Variants in OSBPL8 observed in about 807,000 individuals in gnomAD.
OSBPL8 encodes oxysterol-binding protein-related protein 8.
In OSBPL8, 59 loss-of-function variants were observed where a neutral mutation model predicts 125.5. The observed-to-expected ratio is 0.47, with a 90% confidence interval of 0.38 to 0.58. The LOEUF is 0.58. Ranked by LOEUF, OSBPL8 falls within the 20% of genes least tolerant of loss-of-function variation. OSBPL8 has a pLI of 0.00. For missense variants in OSBPL8, 758 were observed against 1,047.8 expected (o/e 0.72, Z 3.82); for synonymous variants, 330 against 338.9 (o/e 0.97, Z 0.29).
chr12:76,410,679 G>A (rs774657615), intron 4 of OSBPL8, 45 bp from the exon 5 acceptor site: 20 of 1,271,754 alleles, frequency 1.6e-5, no homozygotes, highest in Non-Finnish European at 2.2e-5. Context: ...TTTTGAACAT[G>A]TATAATAAGT....
rs56122052 is a variant in OSBPL8, at chr12:76,532,036, CAAAAAAAAA to C, written c.-68+27352_-68+27360del. 4.4e-5 allele frequency among the ~76,000 whole-genome samples: 4 copies of C among 90,022 alleles called. No individual in the cohort carries two copies. In the East Asian group the frequency reaches 1.6e-3, roughly 37 times the overall value. The allele number at this position is 90,022 out of a possible 152,430, so 59.1% of individuals were successfully genotyped here. On this transcript the variant is annotated intron_variant, in intron 1 of 23. Coordinates refer to ENST00000261183, the MANE Select transcript of OSBPL8 (RefSeq NM_020841.5). ...TGGGCAAGAGAGCAAGACTCCTTCT[CAAAAAAAAA>C]AAAAAAAAAAAACTGACCAAAAAAT... is the stretch of plus-strand genomic sequence containing the variant.
intron 1 of OSBPL8, among the ~76,000 whole-genome samples, chr12:76,514,622 ATG>A (rs971976830): frequency 6.6e-6 from 1 of 152,220 alleles, no homozygotes; most frequent in African/African-American, 2.4e-5. Context: ...TCTGATGATT[ATG>A]TGTCTTGGGG....
intron 2 of OSBPL8, among the ~76,000 whole-genome samples, chr12:76,474,969 G>A (rs1408563273): frequency 6.6e-6 from 1 of 152,078 alleles, no homozygotes; most frequent in Non-Finnish European, 1.5e-5. Context: ...ACTAAGCTGA[G>A]GTACGGATAA....
intron 4 of OSBPL8, among the ~76,000 whole-genome samples, chr12:76,424,453 C>A (rs774483929): frequency 2.6e-5 from 4 of 152,000 alleles, no homozygotes; most frequent in Non-Finnish European, 5.9e-5. Context: ...TTGCTTTTCT[C>A]CATATCATAA....
rs544300257 is a variant in OSBPL8, at chr12:76,412,017, A to T, written c.218-1383T>A. Among the ~76,000 whole-genome samples, 286 of 152,316 alleles carry T rather than the reference A, an allele frequency of 1.9e-3. 1 individual carries two copies. Among genetic ancestry groups the T allele is most frequent in the African/African-American group, 6.7e-3 (278 of 41,574 alleles). ...CTACACGGAGGAATTCTAATCCTAGATATACCCAACAGAAATGAGTGTGTA... is the reference window on the plus strand; with the variant it reads ...CTACACGGAGGAATTCTAATCCTAGTTATACCCAACAGAAATGAGTGTGTA... On this transcript the variant is annotated intron_variant, in intron 4 of 23. Transcript: ENST00000261183.
At chr12:76,437,363 C>T (rs886693568) in intron 4 of OSBPL8, among the ~76,000 whole-genome samples, 1 of 152,060 alleles carries the variant, frequency 6.6e-6, no homozygotes, top group East Asian at 1.9e-4. Context: ...CAATTCATTA[C>T]TATTTGGTGA....
intron 12 of OSBPL8, among the ~76,000 whole-genome samples, chr12:76,387,532 G>A (rs1025348599): frequency 2.6e-5 from 4 of 152,128 alleles, no homozygotes; most frequent in Middle Eastern, 3.2e-3. Flanking sequence ...TGTTGCAATC[G>A]TTGCAAAAAC....
chr12:76,398,440 T>C (rs757665823), intron 7 of OSBPL8, among the ~76,000 whole-genome samples: 4 of 152,186 alleles, frequency 2.6e-5, no homozygotes, highest in Non-Finnish European at 4.4e-5. Flanking sequence ...AAGTATGCCA[T>C]TTAAATTTAT....
chr12:76,377,632 T>C (rs950868699), intron 16 of OSBPL8, among the ~76,000 whole-genome samples: 3 of 152,192 alleles, frequency 2.0e-5, no homozygotes, highest in South Asian at 4.1e-4. Context: ...TATGTTTTCA[T>C]GAATCAGTTC....
chr12:76,362,304 G>A (rs557267728), intron 21 of OSBPL8, among the ~76,000 whole-genome samples: 6 of 5,740 alleles, frequency 1.0e-3, no homozygotes, highest in South Asian at 0.5. Context: ...CCGTCAAACC[G>A]AATCCAGCAC....
At position 76,375,237 on chromosome 12, in the gene OSBPL8, TTTAGCTAG is replaced by T. The variant is rs759633017; in HGVS notation, c.1827+28_1827+35del. ...TTCAATATTTATTGTATGGCTCTCC[TTTAGCTAG>T]GTGATACCTACTGTATTGTCTACTA... On this transcript the variant is annotated intron_variant, in intron 17 of 23. Coordinates refer to ENST00000261183, the MANE Select transcript of OSBPL8 (RefSeq NM_020841.5). The T allele has an allele frequency of 2.2e-5, 31 of 1,394,342 alleles. 1 individual carries two copies. In the African/African-American group the frequency reaches 4.4e-4, roughly 20 times the overall value. The allele number at this position is 1,394,342 out of a possible 1,614,324, so 86.4% of individuals were successfully genotyped here.
chr12:76,430,404 C>A (rs529614612), intron 4 of OSBPL8, among the ~76,000 whole-genome samples: 51 of 152,230 alleles, frequency 3.4e-4, no homozygotes, highest in African/African-American at 1.1e-3. Context: ...AAAAGGAGGT[C>A]TTTATCTGTT....
intron 1 of OSBPL8, among the ~76,000 whole-genome samples, chr12:76,526,357 T>C (rs529886623): frequency 1.3e-5 from 2 of 152,232 alleles, no homozygotes; most frequent in African/African-American, 4.8e-5. Flanking sequence ...ATCAGCCACA[T>C]ACTTTAATTA....
At chr12:76,413,026 A>G (rs1050162507) in intron 4 of OSBPL8, among the ~76,000 whole-genome samples, 1 of 152,162 alleles carries the variant, frequency 6.6e-6, no homozygotes, top group Non-Finnish European at 1.5e-5. Flanking sequence ...GTTCCTGAAA[A>G]GGGTCTAATC....
intron 1 of OSBPL8, among the ~76,000 whole-genome samples, chr12:76,546,799 T>C (rs759990910): frequency 2.0e-5 from 3 of 152,100 alleles, no homozygotes; most frequent in Non-Finnish European, 2.9e-5. Context: ...TCACAGAATA[T>C]AGAGAAAGGT....
chr12:76,513,674 C>T (rs555943870), intron 1 of OSBPL8, among the ~76,000 whole-genome samples: 1 of 150,612 alleles, frequency 6.6e-6, no homozygotes, highest in African/African-American at 2.4e-5. Flanking sequence ...CTAGTAATGC[C>T]CTTCTTTTTT....
Position 76,416,622 on chromosome 12 carries a change from T to C in OSBPL8, c.218-5988A>G, listed in dbSNP as rs938180409. Among the ~76,000 whole-genome samples the C allele has an allele frequency of 7.2e-4, 110 of 152,124 alleles. 5 individuals are homozygous for C. The highest frequency in any genetic ancestry group is 7.1e-3 in the Admixed American group (109 of 15,280). Reference sequence around the variant, plus strand: ...CAAAATTTATTCTGTCTGGTATCAATAGATACAGGAACTTTCTTTTCAGTA... The same window carrying C: ...CAAAATTTATTCTGTCTGGTATCAACAGATACAGGAACTTTCTTTTCAGTA... On this transcript the variant is annotated intron_variant, in intron 4 of 23. Coordinates refer to ENST00000261183, the MANE Select transcript of OSBPL8 (RefSeq NM_020841.5).
At chr12:76,401,760 TC>T (rs1207072721) in intron 6 of OSBPL8, among the ~76,000 whole-genome samples, 1 of 152,196 alleles carries the variant, frequency 6.6e-6, no homozygotes, top group African/African-American at 2.4e-5. Flanking sequence ...TTGCTCTCTT[TC>T]CCAATACTAA....
intron 4 of OSBPL8, among the ~76,000 whole-genome samples, chr12:76,440,285 G>A (rs922741223): frequency 6.6e-6 from 1 of 151,950 alleles, no homozygotes; most frequent in Non-Finnish European, 1.5e-5. Context: ...AAAATGGTTC[G>A]TTATCCCACG....
Sources: allele counts gnomAD v4.1 joint callset (sites outside exome capture counted in the v4.1 genomes callset), GRCh38; gene constraint gnomAD v4.1.1; transcripts MANE v1.5; gene names NCBI Gene and HGNC (gene_info 2026-07-23, HGNC 2026-07-21).